Variants in MAP3K2 observed in about 807,000 individuals in gnomAD.
MAP3K2 encodes mitogen-activated protein kinase kinase kinase 2, also known as MAP/ERK kinase kinase 2.
In MAP3K2, 24 loss-of-function variants were observed where a neutral mutation model predicts 80.3. The ratio of observed to expected loss-of-function variants is 0.30; its 90% CI spans 0.22 to 0.42. The LOEUF (loss-of-function observed/expected upper bound fraction) is 0.42, where lower values mean the gene tolerates loss of function less well. Ranked by LOEUF, MAP3K2 falls within the 10% of genes least tolerant of loss-of-function variation. MAP3K2 has a pLI of 1.00. For missense variants in MAP3K2, 608 were observed against 750.1 expected (o/e 0.81, Z 2.21); for synonymous variants, 244 against 253.7 (o/e 0.96, Z 0.36).
At chr2:127,388,189 C>T (rs1574015206), upstream of MAP3K2, 1 of 888,814 alleles carries the variant, frequency 1.1e-6, no homozygotes, top group East Asian at 1.1e-4. Context: ...GCCTCGGCCC[C>T]GCCCCCGCCC....
At chr2:127,319,136 C>G (rs563335082) in intron 12 of MAP3K2, among the ~76,000 whole-genome samples, 2 of 151,810 alleles carry the variant, frequency 1.3e-5, no homozygotes, top group Non-Finnish European at 2.9e-5. Flanking sequence ...AAACCCTTTT[C>G]CCCTAAGAAA....
At position 127,302,046 on chromosome 2, in the gene MAP3K2, G is replaced by A. The variant is rs1685602267; in HGVS notation, c.*5533C>T. ...CCTAGCCAACCAAAAAGAGGTACAA[G>A]AGAATTTCCTTGTGAATACTTGGTA... On this transcript the variant is annotated 3_prime_UTR_variant, in exon 17 of 17. Transcript: ENST00000682094. The A allele has an allele frequency of 6.6e-6, 1 of 152,164 alleles. No individual in the cohort carries two copies. Among genetic ancestry groups the A allele is most frequent in the Non-Finnish European group, 1.5e-5 (1 of 68,020 alleles). 9.4% of individuals were successfully genotyped at this position (152,164 alleles called of 1,614,324 possible). A position where few individuals can be genotyped will look rare whatever the true frequency, so the allele number is the denominator to read the frequency against.
intron 9 of MAP3K2, 66 bp from the exon 10 acceptor site, chr2:127,324,307 G>T: frequency 2.1e-6 from 2 of 945,706 alleles, no homozygotes; most frequent in South Asian, 1.6e-5. Flanking sequence ...GAAAATCTTT[G>T]AGCAATATCT....
At chr2:127,385,340 C>A (rs915373005) in intron 1 of MAP3K2, among the ~76,000 whole-genome samples, 4 of 152,218 alleles carry the variant, frequency 2.6e-5, no homozygotes, top group Non-Finnish European at 4.4e-5. Context: ...AAAAAGATTA[C>A]AATTCCCTAA....
At chr2:127,375,410 A>ATTTTTTTTTTTTTTT (rs775598052) in intron 1 of MAP3K2, among the ~76,000 whole-genome samples, 1 of 126,304 alleles carries the variant, frequency 7.9e-6, no homozygotes, top group Non-Finnish European at 1.8e-5. Flanking sequence ...TTATTTATTT[A>ATTTTTTTTTTTTTTT]TTTATTTATT....
At chr2:127,375,410 A>ATTTTT (rs775598052) in intron 1 of MAP3K2, among the ~76,000 whole-genome samples, 1 of 126,302 alleles carries the variant, frequency 7.9e-6, no homozygotes, top group African/African-American at 2.6e-5. Context: ...TTATTTATTT[A>ATTTTT]TTTATTTATT....
chr2:127,388,383 A>C, upstream of MAP3K2: 2 of 985,422 alleles, frequency 2.0e-6, no homozygotes, highest in East Asian at 1.1e-4. Flanking sequence ...ACTGTGTGGC[A>C]GGTCATTTGC....
chr2:127,367,190 T>C (rs1686987957), intron 1 of MAP3K2, among the ~76,000 whole-genome samples: 1 of 152,124 alleles, frequency 6.6e-6, no homozygotes, highest in South Asian at 2.1e-4. Flanking sequence ...CACAGACTGG[T>C]TGGATTAATG....
At chr2:127,355,540 AT>A (rs1212506248) in intron 1 of MAP3K2, among the ~76,000 whole-genome samples, 1 of 152,132 alleles carries the variant, frequency 6.6e-6, no homozygotes. Flanking sequence ...ATTAAAAATT[AT>A]TTATTGCTAA....
At chr2:127,366,901 T>C (rs1686983648) in intron 1 of MAP3K2, among the ~76,000 whole-genome samples, 1 of 131,900 alleles carries the variant, frequency 7.6e-6, no homozygotes. Context: ...AGACAGAGTC[T>C]CGCTTTGTCA....
At position 127,310,611 on chromosome 2, in the gene MAP3K2, A is replaced by G. The variant is rs1430153311; in HGVS notation, c.1457-1849T>C. Reference sequence around the variant, plus strand: ...GGCTGCGGTGAACTGAGATCATGCCACTGCACTCCCGCCTGGGTGATAAAG... The same window carrying G: ...GGCTGCGGTGAACTGAGATCATGCCGCTGCACTCCCGCCTGGGTGATAAAG... On this transcript the variant is annotated intron_variant, in intron 15 of 16. Coordinates refer to ENST00000682094, the MANE Select transcript of MAP3K2 (RefSeq NM_001371910.2). The surrounding 1 kb of genome is among the most constrained non-coding windows in gnomAD (Gnocchi z 4.8). Among the ~76,000 whole-genome samples, 1 of 152,210 alleles carries G rather than the reference A, an allele frequency of 6.6e-6. No individual in the cohort carries two copies. Among genetic ancestry groups the G allele is most frequent in the African/African-American group, 2.4e-5 (1 of 41,460 alleles).
intron 1 of MAP3K2, among the ~76,000 whole-genome samples, chr2:127,347,313 G>A (rs1686614231): frequency 6.6e-6 from 1 of 152,034 alleles, no homozygotes; most frequent in African/African-American, 2.4e-5. Context: ...ATTTGCAAGT[G>A]ACATAATCTT....
chr2:127,338,919 T>C lies in MAP3K2; in HGVS notation c.123+13A>G, dbSNP rs771477649. The C allele has an allele frequency of 1.3e-6, 2 of 1,519,412 alleles. No homozygotes were observed. Among genetic ancestry groups the C allele is most frequent in the Non-Finnish European group, 1.8e-6 (2 of 1,114,186 alleles). 94.1% of individuals were successfully genotyped at this position (1,519,412 alleles called of 1,614,324 possible). A position where few individuals can be genotyped will look rare whatever the true frequency, so the allele number is the denominator to read the frequency against. On this transcript the variant is annotated intron_variant, in intron 3 of 16. Transcript: ENST00000682094. ...AAAGTAATTCATAAAAAAATACTTA[T>C]TAAAATAAATACCTGTTTTTTTGGT...
chr2:127,315,232 C>G (rs1428019054), intron 14 of MAP3K2, among the ~76,000 whole-genome samples: 5 of 152,160 alleles, frequency 3.3e-5, no homozygotes. Flanking sequence ...TCTGAGAAAG[C>G]TGAATCAGTC....
At chr2:127,336,549 T>A (rs901531526) in intron 4 of MAP3K2, among the ~76,000 whole-genome samples, 1 of 152,168 alleles carries the variant, frequency 6.6e-6, no homozygotes, top group African/African-American at 2.4e-5. Flanking sequence ...AATACCACAC[T>A]ATAAGCCCCA....
chr2:127,369,513 A>C (rs1332981773), intron 1 of MAP3K2, among the ~76,000 whole-genome samples: 1 of 151,220 alleles, frequency 6.6e-6, no homozygotes, highest in African/African-American at 2.4e-5. Flanking sequence ...TAAACAAGTA[A>C]AAAATGACTT....
chr2:127,306,480 GTTTT>G lies in MAP3K2; in HGVS notation c.*1095_*1098del, dbSNP rs1270507213. The stretch of plus-strand genomic sequence containing the variant: ...GCAACCACTGTTTCACATGATACCT[GTTTT>G]TTTGAGGTGCTTTAGTATTCTGTGA... On this transcript the variant is annotated 3_prime_UTR_variant, in exon 17 of 17. Coordinates refer to ENST00000682094, the MANE Select transcript of MAP3K2 (RefSeq NM_001371910.2). This position sits in a 1 kb window ranked among gnomAD's most constrained non-coding sequence, Gnocchi z 4.7. 6.6e-6 allele frequency: 1 copy of G among 152,010 alleles called. No homozygotes were observed. The highest frequency in any genetic ancestry group is 1.5e-5 in the Non-Finnish European group (1 of 67,980). 9.4% of individuals were successfully genotyped at this position (152,010 alleles called of 1,614,324 possible).
intron 11 of MAP3K2, among the ~76,000 whole-genome samples, chr2:127,323,374 A>G (rs547265564): frequency 2.0e-5 from 3 of 149,658 alleles, no homozygotes; most frequent in South Asian, 4.3e-4. Flanking sequence ...GGAAAAAAAA[A>G]AAAGAAAGAA....
chr2:127,357,607 A>G (rs1686818615), intron 1 of MAP3K2, among the ~76,000 whole-genome samples: 1 of 152,274 alleles, frequency 6.6e-6, no homozygotes, highest in African/African-American at 2.4e-5. Flanking sequence ...TTATAAAGCT[A>G]TAATAATCAA....
Sources: gnomAD v4.1 joint callset for allele counts (sites outside exome capture counted in the v4.1 genomes callset) on GRCh38, gnomAD v4.1.1 for gene constraint, Gnocchi (gnomAD v3.1) non-coding constraint, MANE v1.5 for transcripts, NCBI Gene and HGNC (gene_info 2026-07-23, HGNC 2026-07-21) for gene names.